USP20: variants seen among roughly 807,000 people sequenced by gnomAD.
USP20 encodes ubiquitin carboxyl-terminal hydrolase 20.
USP20 carries 80 observed loss-of-function variants against 124.2 expected under a neutral mutation model. The ratio of observed to expected loss-of-function variants is 0.64; its 90% CI spans 0.54 to 0.78. USP20 has a LOEUF of 0.78. USP20 is among the 30% of genes least tolerant of loss of function. The probability of loss-of-function intolerance (pLI) is 0.00; values close to 1 mark genes in which losing one functional copy is unlikely to be tolerated. For synonymous variants in USP20, 481 were observed against 512.3 expected, an observed-to-expected ratio of 0.94 and a Z score of 0.83; for missense variants, 1,043 against 1,244.4, an observed-to-expected ratio of 0.84 and a Z score of 2.44.
chr9:129,876,190 C>T lies in USP20; in HGVS notation c.2361C>T (p.Ile787=), dbSNP rs751267518. The change falls in exon 22 of 26, where the codon ATC becomes ATT. Residue 787 remains isoleucine (I), a synonymous_variant. Coordinates refer to ENST00000372429, the MANE Select transcript of USP20 (RefSeq NM_001110303.4). The stretch of plus-strand genomic sequence containing the variant: ...TGTGCTCCATCTGCCAGGTGGAGAT[C>T]GAGGCACTGGCCAAGCGCAGGAGGA... ...LYVCSICQVE[I]EALAKRRRIE... The T allele has an allele frequency of 5.6e-6, 9 of 1,613,282 alleles. No homozygotes were observed. Among genetic ancestry groups the T allele is most frequent in the Admixed American group, 1.7e-5 (1 of 60,008 alleles).
intron 14 of USP20, chr9:129,870,192 T>C (rs2039026): frequency 0.98 from 555,564 of 565,272 alleles, 273,670 homozygotes; most frequent in East Asian, 1. Context: ...GAGACCCGCA[T>C]GACCCCAGGG....
chr9:129,880,973 G>A lies in USP20; in HGVS notation c.*523G>A, dbSNP rs1451923443. 1.3e-5 allele frequency: 2 copies of A among 152,472 alleles called. No homozygotes were observed. Among genetic ancestry groups the A allele is most frequent in the African/African-American group, 4.8e-5 (2 of 41,456 alleles). 9.4% of individuals were successfully genotyped at this position (152,472 alleles called of 1,614,324 possible). ...TGGGCGTCACCAGGAAGGCTCTGAA[G>A]TCCCGGGCTGCTCTCAGCACTTCTC... On this transcript the variant is annotated 3_prime_UTR_variant, in exon 26 of 26. Coordinates refer to ENST00000372429, the MANE Select transcript of USP20 (RefSeq NM_001110303.4).
rs1405193036 is a variant in USP20, at chr9:129,881,040, CAGG to C, written c.*597_*599del. The C allele has an allele frequency of 6.6e-6, 1 of 152,454 alleles. No individual in the cohort carries two copies. Among genetic ancestry groups the C allele is most frequent in the African/African-American group, 2.4e-5 (1 of 41,458 alleles). 9.4% of individuals were successfully genotyped at this position (152,454 alleles called of 1,614,324 possible). On this transcript the variant is annotated 3_prime_UTR_variant, in exon 26 of 26. Coordinates refer to ENST00000372429, the MANE Select transcript of USP20 (RefSeq NM_001110303.4). ...CTGGACTCATTGCTGATTGGAACACCAGGAGGAGGTTGGATTTCTGCCAGTGGG... is the reference window on the plus strand; with the variant it reads ...CTGGACTCATTGCTGATTGGAACACCAGGAGGTTGGATTTCTGCCAGTGGG...
intron 3 of USP20, among the ~76,000 whole-genome samples, chr9:129,854,343 C>T (rs556875279): frequency 6.6e-6 from 1 of 152,202 alleles, no homozygotes; most frequent in South Asian, 2.1e-4. Context: ...ACTGGTGGCA[C>T]CTGAATATTC....
chr9:129,865,428 C>G (rs367592631), intron 10 of USP20, 47 bp downstream of exon 10: 1 of 1,601,812 alleles, frequency 6.2e-7, no homozygotes, highest in Non-Finnish European at 8.6e-7. Flanking sequence ...CATGACCCAC[C>G]AGGCCTGACT....
At chr9:129,861,379 C>T (rs1437202321) in intron 7 of USP20, among the ~76,000 whole-genome samples, 164 bp from the exon 8 acceptor site, 2 of 152,170 alleles carry the variant, frequency 1.3e-5, no homozygotes, top group East Asian at 1.9e-4. Context: ...GCAGGAACCA[C>T]GTTAGTTTAC....
rs1349787050 is a variant in USP20 at position 129,876,114 on chromosome 9, C to T, written c.2301-16C>T. The T allele has an allele frequency of 1.2e-6, 2 of 1,608,162 alleles. No individual in the cohort carries two copies. Among genetic ancestry groups the T allele is most frequent in the Non-Finnish European group, 1.7e-6 (2 of 1,176,888 alleles). On this transcript the variant is annotated splice_polypyrimidine_tract_variant and intron_variant, in intron 21 of 25. Transcript: ENST00000372429. ...CCCCGCTCAGGCCGTGTCTCTCTCT[C>T]CCACCCTGGGCACAGATTCGGGGGT...
intron 2 of USP20, among the ~76,000 whole-genome samples, chr9:129,851,635 T>G (rs1359860063): frequency 2.6e-5 from 4 of 152,234 alleles, no homozygotes; most frequent in African/African-American, 9.6e-5. Context: ...AAGCATTTAT[T>G]TTCTAAGACA....
intron 1 of USP20, among the ~76,000 whole-genome samples, chr9:129,842,230 G>C (rs948642732): frequency 3.3e-5 from 5 of 152,172 alleles, no homozygotes; most frequent in African/African-American, 1.2e-4. Context: ...GCAGAGTGAG[G>C]TACTGAACCC....
At chr9:129,843,102 A>G (rs2032324401) in intron 1 of USP20, among the ~76,000 whole-genome samples, 1 of 150,370 alleles carries the variant, frequency 6.7e-6, no homozygotes, top group African/African-American at 2.5e-5. Context: ...TTCAAAGCAC[A>G]CATTTTGACC....
At chr9:129,870,611 C>G (rs931483033) in intron 15 of USP20, 64 bp downstream of exon 15, 9 of 1,555,680 alleles carry the variant, frequency 5.8e-6, no homozygotes, top group East Asian at 4.5e-5. Context: ...ATGTGCAGAC[C>G]CCAGCAGGCC....
At chr9:129,875,211 C>A in intron 19 of USP20, 99 bp from the exon 20 acceptor site, 1 of 1,354,854 alleles carries the variant, frequency 7.4e-7, no homozygotes, top group Non-Finnish European at 9.9e-7. Flanking sequence ...AGGTGGTGGA[C>A]AGGGCCGGTA....
At chr9:129,847,545 C>G (rs759337023) in intron 1 of USP20, among the ~76,000 whole-genome samples, 10 of 152,112 alleles carry the variant, frequency 6.6e-5, no homozygotes, top group African/African-American at 2.2e-4. Flanking sequence ...TCATGATCCG[C>G]CCGCCTCAGC....
At chr9:129,872,006 G>T (rs118037011) in intron 15 of USP20, among the ~76,000 whole-genome samples, 1 of 152,246 alleles carries the variant, frequency 6.6e-6, no homozygotes, top group South Asian at 2.1e-4. Flanking sequence ...GTGAGCCACC[G>T]CACCCAGCCT....
At position 129,852,634 on chromosome 9, in the gene USP20, A is replaced by G. The variant is rs777515945; in HGVS notation, c.79A>G (p.Lys27Glu). The change falls in exon 3 of 26, where the codon AAG becomes GAG. Residue 27 changes from lysine (K) to glutamate (E), a missense_variant and splice_region_variant. Transcript: ENST00000372429. ...CAAAGAGGACTTGCTGCTCAAATCT[A>G]AGGTAAAGGGTCAGACCTTACGGGG... is the stretch of plus-strand genomic sequence containing the variant. ...VTKEDLLLKSKGTCQSCGVTG... is the reference protein window; with the variant it reads ...VTKEDLLLKSEGTCQSCGVTG... The G allele has an allele frequency of 6.3e-7, 1 of 1,587,742 alleles. No individual in the cohort carries two copies. Among genetic ancestry groups the G allele is most frequent in the Non-Finnish European group, 8.6e-7 (1 of 1,165,660 alleles).
intron 10 of USP20, among the ~76,000 whole-genome samples, chr9:129,866,066 C>T (rs2033806864): frequency 1.3e-5 from 2 of 152,388 alleles, no homozygotes; most frequent in East Asian, 3.9e-4. Context: ...CAGCCCCGGG[C>T]TGATGGCTCC....
At chr9:129,852,706 T>C in intron 3 of USP20, 70 bp downstream of exon 3, 2 of 1,458,596 alleles carry the variant, frequency 1.4e-6, no homozygotes, top group Non-Finnish European at 1.9e-6. Flanking sequence ...TGTGGACATT[T>C]CTGAAGCAGT....
intron 10 of USP20, among the ~76,000 whole-genome samples, chr9:129,867,722 C>G (rs866803702): frequency 1.3e-5 from 2 of 152,100 alleles, no homozygotes; most frequent in Admixed American, 6.5e-5. Context: ...GAGCCGGAGC[C>G]GGGGAGTTGC....
chr9:129,841,720 G>A (rs1017845937), intron 1 of USP20, among the ~76,000 whole-genome samples: 1 of 152,198 alleles, frequency 6.6e-6, no homozygotes, highest in Non-Finnish European at 1.5e-5. Flanking sequence ...GGAAGCTGTT[G>A]AAGGGTTTGC....
Sources: gnomAD v4.1 joint callset for allele counts (sites outside exome capture counted in the v4.1 genomes callset) on GRCh38, gnomAD v4.1.1 for gene constraint, MANE v1.5 for transcripts, NCBI Gene and HGNC (gene_info 2026-07-23, HGNC 2026-07-21) for gene names.